MYLK: variants seen among roughly 807,000 people sequenced by gnomAD.
MYLK encodes the protein myosin light chain kinase, smooth muscle.
In MYLK, 106 loss-of-function variants were observed where a neutral mutation model predicts 203.4. The ratio of observed to expected loss-of-function variants is 0.52; its 90% confidence interval spans 0.45 to 0.61. The LOEUF (loss-of-function observed/expected upper bound fraction) is 0.61. Among genes scored for constraint, MYLK ranks in the 20% least tolerant of loss-of-function variants. The pLI is 0.00. For missense variants in MYLK, 2,072 were observed against 2,442.3 expected, an observed-to-expected ratio of 0.85 and a Z score of 3.20; for synonymous variants, 867 against 959.5, an observed-to-expected ratio of 0.90 and a Z score of 1.78.
At chr3:123,755,733 G>A (rs1299455172) in intron 4 of MYLK, among the ~76,000 whole-genome samples, 1 of 152,032 alleles carries the variant, frequency 6.6e-6, no homozygotes, top group Non-Finnish European at 1.5e-5. Context: ...GTCATCACTG[G>A]CCTTCCACCA....
chr3:123,638,680 G>T, intron 28 of MYLK: 1 of 840,478 alleles, frequency 1.2e-6, no homozygotes, highest in Non-Finnish European at 1.4e-6. Flanking sequence ...GTTAACAAGT[G>T]GTGGTCGGGA....
intron 27 of MYLK, chr3:123,644,452 A>T (rs1452569764): frequency 6.6e-6 from 1 of 152,206 alleles, no homozygotes; most frequent in East Asian, 1.9e-4. Context: ...GAGGGATGAA[A>T]GCCAGACTAG....
intron 3 of MYLK, among the ~76,000 whole-genome samples, chr3:123,813,545 C>G (rs1481031427): frequency 6.6e-6 from 1 of 151,498 alleles, no homozygotes; most frequent in Non-Finnish European, 1.5e-5. Context: ...GAGTCTCGCT[C>G]TGTTGCCCAG....
intron 13 of MYLK, among the ~76,000 whole-genome samples, chr3:123,713,824 T>C (rs1301502861): frequency 1.3e-5 from 2 of 152,130 alleles, no homozygotes; most frequent in East Asian, 3.9e-4. Flanking sequence ...TGTTCTCTCC[T>C]CCAAACTTAT....
rs140237736 is a variant in MYLK at position 123,614,384 on chromosome 3, C to G, written c.5501-35G>C. ...AGGGAGAGAACACAAGTTGCAGGAACTGTTATTCAAAATTTCTTATCAACT... is the reference window on the plus strand; with the variant it reads ...AGGGAGAGAACACAAGTTGCAGGAAGTGTTATTCAAAATTTCTTATCAACT... On this transcript the variant is annotated intron_variant, in intron 33 of 33. Transcript: ENST00000360304. 48 of 1,613,654 alleles carry G rather than the reference C, an allele frequency of 3.0e-5. No homozygotes were observed. The East Asian group carries it at 1.1e-3, about 36-fold the overall frequency.
intron 2 of MYLK, among the ~76,000 whole-genome samples, chr3:123,833,053 G>A (rs2066383586): frequency 6.6e-6 from 1 of 152,062 alleles, no homozygotes; most frequent in South Asian, 2.1e-4. Context: ...TCAAAGAAGG[G>A]GCAGGATGAG....
intron 4 of MYLK, among the ~76,000 whole-genome samples, chr3:123,763,460 G>T (rs1174833658): frequency 6.6e-6 from 1 of 152,192 alleles, no homozygotes; most frequent in Non-Finnish European, 1.5e-5. Context: ...AAGAATGAAT[G>T]CATGGAAAGT....
intron 8 of MYLK, 120 bp from the exon 9 acceptor site, chr3:123,735,536 T>C (rs1336862398): frequency 1.6e-5 from 18 of 1,136,704 alleles, no homozygotes; most frequent in Non-Finnish European, 2.3e-5. Context: ...CCAGCTTCCC[T>C]GGTGCTGAAC....
At chr3:123,799,012 T>C (rs942143651) in intron 3 of MYLK, among the ~76,000 whole-genome samples, 1 of 152,202 alleles carries the variant, frequency 6.6e-6, no homozygotes, top group African/African-American at 2.4e-5. Flanking sequence ...ATTTCTCTAA[T>C]GCAGAGCAAT....
intron 2 of MYLK, among the ~76,000 whole-genome samples, chr3:123,870,354 G>A (rs1284303537): frequency 1.3e-5 from 2 of 152,156 alleles, no homozygotes; most frequent in Non-Finnish European, 2.9e-5. Context: ...GCTCCTGGGG[G>A]GACCAAAAAG....
chr3:123,734,240 TGGGGGTAGGGTGGGTGAGGAGA>T lies in MYLK; in HGVS notation c.774-40_774-19del. ...CAAATGACCTGTGTGGTGGTGAGGG[TGGGGGTAGGGTGGGTGAGGAGA>T]GGGGAGAATAGAATGATCATCTGGT... On this transcript the variant is annotated intron_variant, in intron 9 of 33. Transcript: ENST00000360304. 2.1e-6 allele frequency: 1 copy of T among 469,664 alleles called. No homozygotes were observed. Among genetic ancestry groups the T allele is most frequent in the Non-Finnish European group, 3.6e-6 (1 of 275,900 alleles). 29.1% of individuals were successfully genotyped at this position (469,664 alleles called of 1,614,324 possible). A position where few individuals can be genotyped will look rare whatever the true frequency, so the allele number is the denominator to read the frequency against.
chr3:123,701,286 C>T (rs1392415251), intron 17 of MYLK, 152 bp downstream of exon 17: 1 of 837,462 alleles, frequency 1.2e-6, no homozygotes. Flanking sequence ...GCTCTCCCTC[C>T]CTCATTCCCC....
chr3:123,650,474 G>A lies in MYLK; in HGVS notation c.4289-1280C>T, dbSNP rs188035141. On this transcript the variant is annotated intron_variant, in intron 24 of 33. Coordinates refer to ENST00000360304, the MANE Select transcript of MYLK (RefSeq NM_053025.4). ...ATATGAGTGTGAGTGCGGGTGTACC[G>A]GTGTGAGTGTGAGTGTGAGTGTGTT... Among the ~76,000 whole-genome samples the A allele has an allele frequency of 2.7e-3, 412 of 152,044 alleles. 2 individuals carry two copies. Among genetic ancestry groups the A allele is most frequent in the Non-Finnish European group, 4.6e-3 (314 of 67,964 alleles).
Position 123,611,439 on chromosome 3 carries a change from G to GTGATGATGATGATGA in MYLK, c.*2651_*2665dup, listed in dbSNP as rs71274255. The GTGATGATGATGATGA allele has an allele frequency of 2.0e-5, 3 of 150,602 alleles. No individual in the cohort carries two copies. Among genetic ancestry groups the GTGATGATGATGATGA allele is most frequent in the African/African-American group, 7.4e-5 (3 of 40,628 alleles). The allele number at this position is 150,602 out of a possible 1,614,324, so 9.3% of individuals were successfully genotyped here. ...CATGCCCTGGTAAATAGTATCATCAGTGATGATGATGATGATGATGATGAT... is the reference window on the plus strand; with the variant it reads ...CATGCCCTGGTAAATAGTATCATCAGTGATGATGATGATGATGATGATGATGATGATGATGATGAT... On this transcript the variant is annotated 3_prime_UTR_variant, in exon 34 of 34. Coordinates refer to ENST00000360304, the MANE Select transcript of MYLK (RefSeq NM_053025.4).
intron 20 of MYLK, among the ~76,000 whole-genome samples, chr3:123,673,520 C>T (rs2059983601): frequency 6.6e-6 from 1 of 152,070 alleles, no homozygotes. Flanking sequence ...GCCCTTTCAT[C>T]TATGTGGTAC....
chr3:123,758,169 G>A (rs1387708629), intron 4 of MYLK, among the ~76,000 whole-genome samples: 3 of 152,144 alleles, frequency 2.0e-5, no homozygotes, highest in Non-Finnish European at 4.4e-5. Flanking sequence ...TGAGCCAGGG[G>A]CATGGCATGA....
intron 12 of MYLK, among the ~76,000 whole-genome samples, chr3:123,723,526 C>G (rs1268200507): frequency 6.6e-6 from 1 of 152,234 alleles, no homozygotes; most frequent in Non-Finnish European, 1.5e-5. Context: ...GCCAATGTGT[C>G]TCTTCTGTCC....
At chr3:123,697,590 AC>A (rs2060983856) in intron 18 of MYLK, among the ~76,000 whole-genome samples, 1 of 152,008 alleles carries the variant, frequency 6.6e-6, no homozygotes, top group South Asian at 2.1e-4. Context: ...CAGCTCTGTT[AC>A]CCCCAGCACC....
intron 31 of MYLK, 70 bp downstream of exon 31, chr3:123,626,748 G>A (rs2058165759): frequency 1.2e-6 from 2 of 1,609,944 alleles, no homozygotes; most frequent in South Asian, 1.1e-5. Flanking sequence ...GGGCAAGCTG[G>A]GAATGAAAGT....
Sources: allele counts gnomAD v4.1 joint callset (sites outside exome capture counted in the v4.1 genomes callset), GRCh38; gene constraint gnomAD v4.1.1; transcripts MANE v1.5; gene names NCBI Gene and HGNC (gene_info 2026-07-23, HGNC 2026-07-21).